EFHB: variants seen among roughly 807,000 people sequenced by gnomAD.
EFHB encodes the protein EF-hand domain-containing family member B.
A neutral mutation model predicts 87.2 loss-of-function variants in EFHB; 91 were observed. That is an observed-to-expected ratio of 1.04 (90% CI 0.88 to 1.24). The LOEUF (loss-of-function observed/expected upper bound fraction) is 1.24, where lower values mean the gene tolerates loss of function less well. EFHB is among the 50% of genes most tolerant of loss of function. The probability of loss-of-function intolerance (pLI) is 0.00; values close to 1 mark genes in which losing one functional copy is unlikely to be tolerated. For missense variants in EFHB, 1,084 were observed against 998.8 expected (o/e 1.09, Z -1.15); for synonymous variants, 325 against 333.6 (o/e 0.97, Z 0.28).
intron 4 of EFHB, among the ~76,000 whole-genome samples, chr3:19,916,340 C>A (rs957733108): frequency 2.0e-5 from 3 of 151,896 alleles, no homozygotes; most frequent in African/African-American, 7.3e-5. Context: ...CATGGTGAAA[C>A]CCTGTCTCTA....
At chr3:19,908,567 AG>A in intron 5 of EFHB, among the ~76,000 whole-genome samples, 1 of 63,324 alleles carries the variant, frequency 1.6e-5, no homozygotes, top group Non-Finnish European at 3.1e-5. Flanking sequence ...AGAGAAAGAG[AG>A]AGAGAGAGAG....
At position 19,884,386 on chromosome 3, in the gene EFHB, A is replaced by G; in HGVS notation, c.2146+17T>C. The G allele has an allele frequency of 6.2e-7, 1 of 1,608,114 alleles. No homozygotes were observed. Among genetic ancestry groups the G allele is most frequent in the South Asian group, 1.1e-5 (1 of 90,334 alleles). On this transcript the variant is annotated intron_variant, in intron 11 of 12. Transcript: ENST00000295824. ...AGTTTGTTGATGCTTTTAAAACTTG[A>G]CAAATAAGTGACATACAAGTAGAAG...
At chr3:19,928,482 C>T (rs1349488256) in intron 1 of EFHB, among the ~76,000 whole-genome samples, 2 of 152,190 alleles carry the variant, frequency 1.3e-5, no homozygotes, top group South Asian at 2.1e-4. Context: ...GGCGGAGTCT[C>T]GCTCTGTCGC....
intron 5 of EFHB, among the ~76,000 whole-genome samples, chr3:19,907,715 T>C (rs925246796): frequency 6.6e-6 from 1 of 152,198 alleles, no homozygotes; most frequent in African/African-American, 2.4e-5. Flanking sequence ...GTATTAGTTT[T>C]CTATTTCGAG....
upstream of EFHB, among the ~76,000 whole-genome samples, chr3:19,937,777 C>A (rs1461163649): frequency 6.6e-6 from 1 of 152,118 alleles, no homozygotes; most frequent in Non-Finnish European, 1.5e-5. Context: ...ACAACAAACG[C>A]TTGTGGCATA....
At chr3:19,893,577 C>T (rs1456002459) in intron 9 of EFHB, among the ~76,000 whole-genome samples, 1 of 152,166 alleles carries the variant, frequency 6.6e-6, no homozygotes, top group Non-Finnish European at 1.5e-5. Context: ...AGAAAAATGC[C>T]TTAGTGCAGT....
chr3:19,932,632 C>G (rs1255428588), intron 1 of EFHB, among the ~76,000 whole-genome samples: 1 of 152,226 alleles, frequency 6.6e-6, no homozygotes, highest in Non-Finnish European at 1.5e-5. Context: ...ATTGTGCAAT[C>G]TTTACACTGA....
In EFHB at chr3:19,933,654, T is replaced by C. The variant is rs1243267840; in HGVS notation, c.365A>G (p.His122Arg). Residue 122 changes from histidine (H) to arginine (R), a missense_variant, in exon 1 of 13, where the codon CAT becomes CGT. Physicochemically the swap from His to Arg is conservative, Grantham distance 29. Coordinates refer to ENST00000295824, the MANE Select transcript of EFHB (RefSeq NM_144715.4). ...CAAAGGAGGCTGTATTATCCGTTCA[T>C]GGGTATATCCTGCAAGAAGACTCTC... ...ENESLLAGYT[H>R]ERIIQPPLGR... 4 of 1,613,900 alleles carry C rather than the reference T, an allele frequency of 2.5e-6. No homozygotes were observed. The African/African-American group carries it at 4.0e-5, about 16-fold the overall frequency.
chr3:19,922,084 G>A (rs2125154184), intron 1 of EFHB, among the ~76,000 whole-genome samples: 1 of 152,226 alleles, frequency 6.6e-6, no homozygotes, highest in South Asian at 2.1e-4. Context: ...AGAATTGCTT[G>A]AACCCAGGAG....
intron 9 of EFHB, among the ~76,000 whole-genome samples, chr3:19,895,223 C>T (rs7629079): frequency 0.063 from 9,561 of 151,132 alleles, 957 homozygotes; most frequent in African/African-American, 0.21. Context: ...GGCTCAAGCC[C>T]GTAATCCCAG....
chr3:19,936,133 T>C, upstream of EFHB: 1 of 1,497,928 alleles, frequency 6.7e-7, no homozygotes, highest in Non-Finnish European at 8.9e-7. Flanking sequence ...CTGGACATAG[T>C]CACTCACCTG....
In EFHB at chr3:19,884,514, T is replaced by C; in HGVS notation, c.2035A>G (p.Ser679Gly). 6.2e-7 allele frequency: 1 copy of C among 1,614,022 alleles called. No individual in the cohort carries two copies. Among genetic ancestry groups the C allele is most frequent in the Non-Finnish European group, 8.5e-7 (1 of 1,179,896 alleles). Reference sequence around the variant, plus strand: ...AGTGTCCGGAGAGTCTTTTCTGTGCTTCCTGCTTCTTTTAAGACAATATCT... The same window carrying C: ...AGTGTCCGGAGAGTCTTTTCTGTGCCTCCTGCTTCTTTTAAGACAATATCT... ...PEDIVLKEAG[S>G]TEKTLRTLLR... Residue 679 changes from serine to glycine, a missense_variant, in exon 11 of 13, where the codon AGC becomes GGC. Physicochemically the swap from Ser to Gly is moderately conservative, Grantham distance 56. Coordinates refer to ENST00000295824, the MANE Select transcript of EFHB (RefSeq NM_144715.4).
At chr3:19,883,462 T>C (rs901333924) in intron 11 of EFHB, among the ~76,000 whole-genome samples, 8 of 152,338 alleles carry the variant, frequency 5.3e-5, no homozygotes, top group Admixed American at 1.3e-4. Flanking sequence ...TCCTCAATCA[T>C]GTCCTTATTC....
upstream of EFHB, among the ~76,000 whole-genome samples, chr3:19,938,564 G>T (rs1415425013): frequency 6.6e-6 from 1 of 152,144 alleles, no homozygotes; most frequent in Non-Finnish European, 1.5e-5. Context: ...CTGAATGTTT[G>T]AAAATGTTCA....
At chr3:19,880,373 C>G (rs2071644054) in intron 12 of EFHB, among the ~76,000 whole-genome samples, 1 of 151,998 alleles carries the variant, frequency 6.6e-6, no homozygotes. Flanking sequence ...CCTCAGCCTC[C>G]TGAGTAGCTG....
At chr3:19,932,654 A>G (rs1319560785) in intron 1 of EFHB, among the ~76,000 whole-genome samples, 1 of 152,226 alleles carries the variant, frequency 6.6e-6, no homozygotes, top group Admixed American at 6.5e-5. Context: ...CTCTGTATTC[A>G]GAGTGTACTT....
intron 1 of EFHB, chr3:19,940,466 G>C (rs1019324531): frequency 2.0e-6 from 1 of 493,436 alleles, no homozygotes; most frequent in African/African-American, 2.0e-5. Context: ...ATTTCATTAC[G>C]CCTGACAAGA....
chr3:19,918,979 CAAAAAAAAAAA>C (rs11356910), intron 3 of EFHB, among the ~76,000 whole-genome samples: 3 of 75,996 alleles, frequency 3.9e-5, no homozygotes, highest in East Asian at 4.7e-4. Flanking sequence ...GACTCAGTCT[CAAAAAAAAAAA>C]AAAAAAAAGA....
chr3:19,912,840 T>C (rs578051124), intron 5 of EFHB, among the ~76,000 whole-genome samples: 1 of 152,336 alleles, frequency 6.6e-6, no homozygotes, highest in Admixed American at 6.5e-5. Context: ...GCAAGTCTCA[T>C]GGGATTTATC....
Sources: allele counts gnomAD v4.1 joint callset (sites outside exome capture counted in the v4.1 genomes callset), GRCh38; gene constraint gnomAD v4.1.1; transcripts MANE v1.5; gene names NCBI Gene and HGNC (gene_info 2026-07-23, HGNC 2026-07-21).